Variants in SLC8A1 observed in about 807,000 individuals in gnomAD.
The protein encoded by SLC8A1 is solute carrier family 8 member A1, also known as sodium/calcium exchanger 1.
Under a neutral mutation model 68.3 loss-of-function variants are expected in SLC8A1, and 18 were observed. That is an observed-to-expected ratio of 0.26 (90% confidence interval 0.18 to 0.39). The LOEUF is 0.39. Among genes scored for constraint, SLC8A1 ranks in the 10% least tolerant of loss-of-function variants. SLC8A1 has a pLI of 1.00. For missense variants in SLC8A1, 985 were observed against 1,156.7 expected (o/e 0.85, Z 2.15); for synonymous variants, 475 against 415.5 (o/e 1.14, Z -1.74).
At chr2:40,316,066 A>G (rs1406639295) in intron 2 of SLC8A1, among the ~76,000 whole-genome samples, 5 of 152,098 alleles carry the variant, frequency 3.3e-5, no homozygotes, top group Non-Finnish European at 5.9e-5. Context: ...GTTCCCCAAG[A>G]AGGACCTGAA....
intron 1 of SLC8A1, among the ~76,000 whole-genome samples, chr2:40,432,759 G>A (rs1295000573): frequency 2.6e-5 from 4 of 151,946 alleles, no homozygotes; most frequent in Non-Finnish European, 4.4e-5. Context: ...TCTAATCAGA[G>A]GGTGATATGA....
chr2:40,218,916 G>A (rs899295101), intron 2 of SLC8A1, among the ~76,000 whole-genome samples: 3 of 152,120 alleles, frequency 2.0e-5, no homozygotes, highest in African/African-American at 7.2e-5. Flanking sequence ...GTGGCAGGGA[G>A]TTACCCCTGA....
intron 2 of SLC8A1, among the ~76,000 whole-genome samples, chr2:40,307,880 T>A (rs978671835): frequency 6.6e-6 from 1 of 152,174 alleles, no homozygotes; most frequent in Non-Finnish European, 1.5e-5. Flanking sequence ...GAAGCACTGA[T>A]TTTTGATCAT....
chr2:40,464,928 C>G (rs1703570224), intron 1 of SLC8A1, among the ~76,000 whole-genome samples: 1 of 152,050 alleles, frequency 6.6e-6, no homozygotes, highest in African/African-American at 2.4e-5. Flanking sequence ...AAGCAGGTGC[C>G]AATATGAAGG....
intron 2 of SLC8A1, chr2:40,177,892 G>T (rs2048756006): frequency 7.6e-7 from 1 of 1,319,790 alleles, no homozygotes; most frequent in African/African-American, 1.5e-5. Flanking sequence ...ACAAATGGTT[G>T]GAGTCACACG....
At chr2:40,402,919 G>C (rs149671059) in intron 2 of SLC8A1, among the ~76,000 whole-genome samples, 1 of 152,158 alleles carries the variant, frequency 6.6e-6, no homozygotes, top group Non-Finnish European at 1.5e-5. Flanking sequence ...TGTGCCATTT[G>C]ATTTTTTATT....
At chr2:40,306,678 C>A (rs189075852) in intron 2 of SLC8A1, among the ~76,000 whole-genome samples, 6 of 152,268 alleles carry the variant, frequency 3.9e-5, no homozygotes, top group Admixed American at 3.9e-4. Flanking sequence ...AATGGCAAAT[C>A]TTTTCGTTTG....
At chr2:40,197,018 G>C (rs773595816) in intron 2 of SLC8A1, among the ~76,000 whole-genome samples, 2 of 152,002 alleles carry the variant, frequency 1.3e-5, no homozygotes, top group Non-Finnish European at 2.9e-5. Flanking sequence ...TCTGTAACTT[G>C]TATAATTTTC....
intron 1 of SLC8A1, among the ~76,000 whole-genome samples, chr2:40,510,563 T>G (rs77845366): frequency 0.016 from 2,420 of 152,298 alleles, 58 homozygotes; most frequent in African/African-American, 0.052. Flanking sequence ...GTGCTGTTTC[T>G]TTTGAGAAGC....
chr2:40,324,994 C>T (rs949395092), intron 2 of SLC8A1, among the ~76,000 whole-genome samples: 6 of 152,138 alleles, frequency 3.9e-5, no homozygotes, highest in African/African-American at 1.4e-4. Flanking sequence ...ATCCTAACAG[C>T]ACTTCCACAC....
chr2:40,312,811 A>G (rs2073908166), intron 2 of SLC8A1, among the ~76,000 whole-genome samples: 1 of 152,102 alleles, frequency 6.6e-6, no homozygotes, highest in African/African-American at 2.4e-5. Flanking sequence ...TTTAAATTGT[A>G]TATTCTTTTC....
chr2:40,126,716 C>T (rs1572864156), intron 7 of SLC8A1, among the ~76,000 whole-genome samples: 1 of 152,072 alleles, frequency 6.6e-6, no homozygotes, highest in African/African-American at 2.4e-5. Flanking sequence ...AATACCCCCT[C>T]CCCCACATAA....
At chr2:40,132,444 C>G (rs964350628) in intron 7 of SLC8A1, among the ~76,000 whole-genome samples, 1 of 151,842 alleles carries the variant, frequency 6.6e-6, no homozygotes, top group Non-Finnish European at 1.5e-5. Flanking sequence ...TATACAGCTC[C>G]AGGAGGGTCA....
exon 8 of SLC8A1, chr2:40,110,224 T>C (rs149611447): frequency 1.3e-5 from 2 of 151,774 alleles, no homozygotes; most frequent in African/African-American, 4.9e-5. Flanking sequence ...GAGAGACGAT[T>C]AATCATGGCC....
intron 1 of SLC8A1, among the ~76,000 whole-genome samples, chr2:40,450,293 CCTTTTTTTTT>C (rs1472553357): frequency 6.6e-6 from 1 of 152,002 alleles, no homozygotes; most frequent in Non-Finnish European, 1.5e-5. Context: ...GATTCATTTT[CCTTTTTTTTT>C]CTGACTCGCT....
At chr2:40,200,619 A>G (rs992573979) in intron 2 of SLC8A1, among the ~76,000 whole-genome samples, 2 of 151,630 alleles carry the variant, frequency 1.3e-5, no homozygotes, top group South Asian at 4.2e-4. Flanking sequence ...CTTGATGGCA[A>G]GTTTGGGAAC....
rs577630906 is a variant in SLC8A1 at position 40,312,333 on chromosome 2, G to A, written c.1808+116140C>T. 2.6e-5 allele frequency among the ~76,000 whole-genome samples: 4 copies of A among 152,152 alleles called. No homozygotes were observed. In the South Asian group the frequency reaches 6.2e-4, roughly 24 times the overall value. ...AATAAAACAAACTACCAGGGTCATC[G>A]TGATGCGCAACTGTGAGGGGTACTA... On this transcript the variant is annotated intron_variant, in intron 2 of 7. Transcript: ENST00000406785.
At chr2:40,466,618 T>A (rs1271805817) in intron 1 of SLC8A1, among the ~76,000 whole-genome samples, 1 of 152,164 alleles carries the variant, frequency 6.6e-6, no homozygotes, top group Non-Finnish European at 1.5e-5. Flanking sequence ...ACGAGGATCT[T>A]GTAGTGCAAT....
chr2:40,311,360 C>T (rs1022298657), intron 2 of SLC8A1, among the ~76,000 whole-genome samples: 19 of 151,836 alleles, frequency 1.3e-4, no homozygotes, highest in African/African-American at 4.4e-4. Context: ...AGAAAAAAAT[C>T]ATTTTTTCTT....
Sources: allele counts gnomAD v4.1 joint callset (sites outside exome capture counted in the v4.1 genomes callset), GRCh38; gene constraint gnomAD v4.1.1; transcripts MANE v1.5; gene names NCBI Gene and HGNC (gene_info 2026-07-23, HGNC 2026-07-21).